The following PDE10A variants were observed in gnomAD, a reference collection of about 807,000 sequenced individuals.
The protein encoded by PDE10A is cAMP and cAMP-inhibited cGMP 3',5'-cyclic phosphodiesterase 10A.
A neutral mutation model predicts 97.7 loss-of-function variants in PDE10A; 39 were observed. The observed-to-expected ratio is 0.40, with a 90% confidence interval of 0.31 to 0.52. PDE10A has a LOEUF of 0.52. PDE10A is among the 20% of genes least tolerant of loss of function. The probability of loss-of-function intolerance (pLI) is 0.56; values close to 1 mark genes in which losing one functional copy is unlikely to be tolerated. For missense variants in PDE10A, 731 were observed against 1,047.8 expected (o/e 0.70, Z 4.17); for synonymous variants, 371 against 376.8 (o/e 0.98, Z 0.18).
chr6:165,445,064 C>A (rs1219591341), intron 5 of PDE10A, among the ~76,000 whole-genome samples: 1 of 151,892 alleles, frequency 6.6e-6, no homozygotes, highest in Non-Finnish European at 1.5e-5. Context: ...TAAAGATTGA[C>A]AATTATGTAG....
intron 1 of PDE10A, among the ~76,000 whole-genome samples, chr6:165,956,132 A>G (rs2128496606): frequency 6.6e-6 from 1 of 152,368 alleles, no homozygotes; most frequent in Non-Finnish European, 1.5e-5. Context: ...CATTGTATGA[A>G]TTAGTAAAAT....
chr6:165,752,884 C>A (rs1793039837), intron 1 of PDE10A, among the ~76,000 whole-genome samples: 1 of 152,232 alleles, frequency 6.6e-6, no homozygotes, highest in African/African-American at 2.4e-5. Context: ...CTAACAGATG[C>A]TGCTCGACGT....
At chr6:165,471,756 T>C (rs1054399362) in intron 3 of PDE10A, among the ~76,000 whole-genome samples, 1 of 152,128 alleles carries the variant, frequency 6.6e-6, no homozygotes, top group Non-Finnish European at 1.5e-5. Context: ...CCAAGCATTT[T>C]CCCCTACCTC....
chr6:165,958,567 CAGACAGAAAGAAAGACA>C (rs1268673701), intron 1 of PDE10A, among the ~76,000 whole-genome samples: 96 of 5,770 alleles, frequency 0.017, 2 homozygotes, highest in African/African-American at 0.034. Flanking sequence ...GAAAGAAAGA[CAGACAGAAAGAAAGACA>C]GAAAGAGAGA....
chr6:165,498,457 A>AAAAAAAAAAAAAAAAAAAAAAAAAAC, intron 2 of PDE10A, among the ~76,000 whole-genome samples: 1 of 141,820 alleles, frequency 7.1e-6, no homozygotes, highest in Non-Finnish European at 1.5e-5. Context: ...AAAAAAAAAA[A>AAAAAAAAAAAAAAAAAAAAAAAAAAC]AAAAAAAAAT....
At chr6:165,479,359 C>T (rs552377148) in intron 3 of PDE10A, among the ~76,000 whole-genome samples, 2 of 152,254 alleles carry the variant, frequency 1.3e-5, no homozygotes, top group South Asian at 4.1e-4. Flanking sequence ...AACCTTATTT[C>T]TTACTGGTCT....
chr6:165,538,029 C>A (rs932166213), intron 2 of PDE10A, among the ~76,000 whole-genome samples: 1 of 151,776 alleles, frequency 6.6e-6, no homozygotes, highest in African/African-American at 2.4e-5. Flanking sequence ...ATCCTTCTTC[C>A]GTATATATAC....
intron 1 of PDE10A, among the ~76,000 whole-genome samples, chr6:165,919,600 C>A (rs979646422): frequency 2.0e-5 from 3 of 152,198 alleles, no homozygotes; most frequent in African/African-American, 7.2e-5. Context: ...TTCCTCCTTT[C>A]CTTTCTTTTT....
chr6:165,853,939 C>T (rs565716631), intron 1 of PDE10A, among the ~76,000 whole-genome samples: 3 of 152,224 alleles, frequency 2.0e-5, no homozygotes, highest in South Asian at 2.1e-4. Flanking sequence ...GCTCCTGGGT[C>T]GCAGATGGCT....
intron 3 of PDE10A, among the ~76,000 whole-genome samples, chr6:165,480,146 T>G: frequency 6.6e-6 from 1 of 152,206 alleles, no homozygotes; most frequent in East Asian, 1.9e-4. Context: ...AAATAAAGTT[T>G]AGAAACTAAG....
intron 1 of PDE10A, among the ~76,000 whole-genome samples, chr6:165,568,720 A>T (rs1347268191): frequency 1.3e-5 from 2 of 152,236 alleles, no homozygotes; most frequent in Non-Finnish European, 2.9e-5. Flanking sequence ...TAGTTCCTTT[A>T]AGTTAAAGGG....
chr6:165,773,023 C>T (rs1463371736), intron 1 of PDE10A, among the ~76,000 whole-genome samples: 3 of 152,092 alleles, frequency 2.0e-5, no homozygotes, highest in South Asian at 4.1e-4. Context: ...AATAGATTGC[C>T]GAAATGATCT....
intron 2 of PDE10A, among the ~76,000 whole-genome samples, chr6:165,519,456 TGAG>T (rs370473141): frequency 5.0e-4 from 76 of 150,858 alleles, no homozygotes; most frequent in African/African-American, 1.7e-3. Context: ...GAGACTGAGA[TGAG>T]GAGAGGAAAA....
At chr6:165,726,190 C>T (rs919254170) in intron 1 of PDE10A, among the ~76,000 whole-genome samples, 1 of 152,090 alleles carries the variant, frequency 6.6e-6, no homozygotes, top group African/African-American at 2.4e-5. Flanking sequence ...AGAGCTGATC[C>T]CACCAGAACG....
intron 1 of PDE10A, among the ~76,000 whole-genome samples, chr6:165,699,266 A>G (rs1476976413): frequency 6.6e-6 from 1 of 152,232 alleles, no homozygotes; most frequent in Non-Finnish European, 1.5e-5. Context: ...TTTTATAATG[A>G]TAAGTGGTTA....
At chr6:165,818,498 G>A (rs1027277691) in intron 1 of PDE10A, among the ~76,000 whole-genome samples, 2 of 152,164 alleles carry the variant, frequency 1.3e-5, no homozygotes, top group Admixed American at 6.5e-5. Context: ...AATACTAAAA[G>A]CAAAATGCAA....
chr6:165,550,584 T>G (rs1210905922), intron 1 of PDE10A, among the ~76,000 whole-genome samples: 1 of 152,244 alleles, frequency 6.6e-6, no homozygotes, highest in Non-Finnish European at 1.5e-5. Context: ...GAACACAAGA[T>G]TATTGATGGG....
rs1283626052 is a variant in PDE10A at position 165,711,108 on chromosome 6, G to T, written c.-614-167540C>A. 6.6e-6 allele frequency among the ~76,000 whole-genome samples: 1 copy of T among 152,234 alleles called. No homozygotes were observed. Among genetic ancestry groups the T allele is most frequent in the African/African-American group, 2.4e-5 (1 of 41,458 alleles). ...TGTCCCGCTCCTCAAAGCCAACAAA[G>T]CGGGTCCTTTGCTCCCACCTTTAAG... On this transcript the variant is annotated intron_variant, in intron 1 of 19. Coordinates refer to the PDE10A transcript ENST00000366882. This position sits in a 1 kb window ranked among gnomAD's most constrained non-coding sequence, Gnocchi z 4.5.
At chr6:165,713,545 G>A (rs1275995087) in intron 1 of PDE10A, among the ~76,000 whole-genome samples, 1 of 152,206 alleles carries the variant, frequency 6.6e-6, no homozygotes, top group Non-Finnish European at 1.5e-5. Flanking sequence ...CTGTGTGCGT[G>A]GCAGCAAGGG....
Sources: gnomAD v4.1 joint callset for allele counts (sites outside exome capture counted in the v4.1 genomes callset) on GRCh38, gnomAD v4.1.1 for gene constraint, Gnocchi (gnomAD v3.1) non-coding constraint, MANE v1.5 for transcripts, NCBI Gene and HGNC (gene_info 2026-07-23, HGNC 2026-07-21) for gene names.